Variants in EPS8 observed in about 807,000 individuals in gnomAD.
The protein encoded by EPS8 is epidermal growth factor receptor kinase substrate 8.
EPS8 carries 42 observed loss-of-function variants against 103.8 expected under a neutral mutation model. The ratio of observed to expected loss-of-function variants is 0.40; its 90% CI spans 0.32 to 0.52. The LOEUF is 0.52. Among genes scored for constraint, EPS8 ranks in the 20% least tolerant of loss-of-function variants. EPS8 has a pLI of 0.40. For missense variants in EPS8, 969 were observed against 1,005.1 expected (o/e 0.96, Z 0.49); for synonymous variants, 344 against 344.6 (o/e 1.00, Z 0.02).
chr12:15,694,280 C>CA (rs199691226), intron 1 of EPS8, among the ~76,000 whole-genome samples: 217 of 148,812 alleles, frequency 1.5e-3, no homozygotes, highest in Middle Eastern at 3.5e-3. Flanking sequence ...GAAAGTAACA[C>CA]AAAAAAAAAT....
rs547821878 is a variant in EPS8 at position 15,695,382 on chromosome 12, T to C, written c.-21-12410A>G. ...TACGTAACCAGAATGTGCCCATCAG[T>C]GCTCTCGCACAGTCCCATACAACTT... On this transcript the variant is annotated intron_variant, in intron 1 of 20. Coordinates refer to ENST00000281172, the MANE Select transcript of EPS8 (RefSeq NM_004447.6). The surrounding 1 kb of genome is among the most constrained non-coding windows in gnomAD (Gnocchi z 5.0). Among the ~76,000 whole-genome samples, 38 of 152,252 alleles carry C rather than the reference T, an allele frequency of 2.5e-4. No individual in the cohort carries two copies. The highest frequency in any genetic ancestry group is 4.8e-4 in the Non-Finnish European group (33 of 68,048).
At chr12:15,766,590 A>T (rs1947101201) in intron 1 of EPS8, among the ~76,000 whole-genome samples, 2 of 151,786 alleles carry the variant, frequency 1.3e-5, no homozygotes, top group Admixed American at 1.3e-4. Context: ...AGGCAGGAGA[A>T]TTGCCTGAAC....
At chr12:15,668,446 G>A (rs977130723) in intron 6 of EPS8, among the ~76,000 whole-genome samples, 1 of 152,086 alleles carries the variant, frequency 6.6e-6, no homozygotes, top group Non-Finnish European at 1.5e-5. Flanking sequence ...CTTTGGCAAA[G>A]TACCAATTAA....
chr12:15,761,813 A>T lies in EPS8; in HGVS notation c.-22+27348T>A, dbSNP rs1947044643. Among the ~76,000 whole-genome samples the T allele has an allele frequency of 6.6e-6, 1 of 152,184 alleles. No homozygotes were observed. Among genetic ancestry groups the T allele is most frequent in the Non-Finnish European group, 1.5e-5 (1 of 68,026 alleles). ...AATAGATTAAAGACTTCAATCTAAGACCTCAAACTATGAAACTACTACAAG... is the reference window on the plus strand; with the variant it reads ...AATAGATTAAAGACTTCAATCTAAGTCCTCAAACTATGAAACTACTACAAG... On this transcript the variant is annotated intron_variant, in intron 1 of 20. Transcript: ENST00000281172. This position sits in a 1 kb window ranked among gnomAD's most constrained non-coding sequence, Gnocchi z 4.5.
Position 15,640,751 on chromosome 12 carries a change from T to C in EPS8, c.1773A>G (p.Pro591=), listed in dbSNP as rs112421433. 1.4e-5 allele frequency: 22 copies of C among 1,614,084 alleles called. 1 individual carries two copies. The highest frequency in any genetic ancestry group is 1.6e-4 in the Middle Eastern group (1 of 6,062). Residue 591 remains proline (P), a synonymous_variant, in exon 17 of 21, where the codon CCA becomes CCG. Transcript: ENST00000281172. ...PNNILDIVRP[P]ESGLGRADPP... is the part of the protein sequence containing the mutation. ...GATCAGCACGCCCCAATCCAGATTC[T>C]GGAGGTCTCACAATATCCAAAATGT... is the stretch of plus-strand genomic sequence containing the variant.
intron 3 of EPS8, among the ~76,000 whole-genome samples, chr12:15,678,381 C>T (rs1286167437): frequency 6.6e-6 from 1 of 152,154 alleles, no homozygotes; most frequent in African/African-American, 2.4e-5. Flanking sequence ...ACCACATCTG[C>T]AATTTAAAGC....
intron 1 of EPS8, among the ~76,000 whole-genome samples, chr12:15,782,996 ACC>A (rs1204812501): frequency 2.0e-5 from 3 of 152,216 alleles, no homozygotes; most frequent in Non-Finnish European, 4.4e-5. Flanking sequence ...AATACCATAA[ACC>A]TTGAATGAAA....
intron 1 of EPS8, among the ~76,000 whole-genome samples, chr12:15,719,219 A>G (rs908583643): frequency 6.6e-6 from 1 of 152,054 alleles, no homozygotes; most frequent in African/African-American, 2.4e-5. Flanking sequence ...ATATATATAC[A>G]CACATACATA....
At chr12:15,635,887 G>A (rs868271892) in intron 17 of EPS8, among the ~76,000 whole-genome samples, 2 of 151,896 alleles carry the variant, frequency 1.3e-5, no homozygotes, top group Admixed American at 1.3e-4. Flanking sequence ...TTGAATTCAC[G>A]TGACCACAGA....
In EPS8 at chr12:15,700,386, G is replaced by C. The variant is rs1024597879; in HGVS notation, c.-21-17414C>G. ...TGTGCTATAAAGAGTTATATGTGTGGGCTAAAAGAGAAGTCATAGAATTCT... is the reference window on the plus strand; with the variant it reads ...TGTGCTATAAAGAGTTATATGTGTGCGCTAAAAGAGAAGTCATAGAATTCT... On this transcript the variant is annotated intron_variant, in intron 1 of 20. Transcript: ENST00000281172. This position sits in a 1 kb window ranked among gnomAD's most constrained non-coding sequence, Gnocchi z 5.1. 6.6e-6 allele frequency among the ~76,000 whole-genome samples: 1 copy of C among 151,952 alleles called. No individual in the cohort carries two copies. Among genetic ancestry groups the C allele is most frequent in the African/African-American group, 2.4e-5 (1 of 41,362 alleles).
intron 1 of EPS8, among the ~76,000 whole-genome samples, chr12:15,756,047 C>T (rs1215314528): frequency 1.3e-5 from 2 of 152,100 alleles, no homozygotes; most frequent in African/African-American, 4.8e-5. Context: ...GATATAACAC[C>T]ATTTTACTTG....
At chr12:15,672,434 C>A in intron 3 of EPS8, 1 of 398,344 alleles carries the variant, frequency 2.5e-6, no homozygotes. Flanking sequence ...AGATGCACTA[C>A]AAAATTCACT....
At chr12:15,656,008 A>T (rs965083111) in intron 12 of EPS8, among the ~76,000 whole-genome samples, 2 of 152,230 alleles carry the variant, frequency 1.3e-5, no homozygotes, top group African/African-American at 4.8e-5. Context: ...AAAAGCAGAG[A>T]TACTAAACAT....
chr12:15,700,169 CAA>C lies in EPS8; in HGVS notation c.-21-17199_-21-17198del, dbSNP rs1565507029. ...GACTCCATCTCAAAAACAACAACAA[CAA>C]AAAAAGAAACTCTTCCCTAACCAAC... On this transcript the variant is annotated intron_variant, in intron 1 of 20. Coordinates refer to ENST00000281172, the MANE Select transcript of EPS8 (RefSeq NM_004447.6). The surrounding 1 kb of genome is among the most constrained non-coding windows in gnomAD (Gnocchi z 5.1). Among the ~76,000 whole-genome samples the C allele has an allele frequency of 6.6e-6, 1 of 151,820 alleles. No homozygotes were observed. The highest frequency in any genetic ancestry group is 2.4e-5 in the African/African-American group (1 of 41,320).
At chr12:15,640,325 T>C (rs1945206802) in intron 17 of EPS8, among the ~76,000 whole-genome samples, 1 of 152,174 alleles carries the variant, frequency 6.6e-6, no homozygotes, top group South Asian at 2.1e-4. Flanking sequence ...GGTGAACTGC[T>C]GGACACCATG....
intron 8 of EPS8, 39 bp from the exon 9 acceptor site, chr12:15,662,138 TCCCACAATACCAATAC>T: frequency 6.3e-7 from 1 of 1,583,316 alleles, no homozygotes; most frequent in Non-Finnish European, 8.7e-7. Context: ...AATCTTTTAC[TCCCACAATACCAATAC>T]AGACAATTAA....
intron 18 of EPS8, 65 bp from the exon 19 acceptor site, chr12:15,624,472 C>T: frequency 7.9e-7 from 1 of 1,261,358 alleles, no homozygotes; most frequent in South Asian, 1.4e-5. Context: ...CTCTCTAGAA[C>T]CCCAATCTCT....
In EPS8 at chr12:15,761,509, G is replaced by T. The variant is rs1261308280; in HGVS notation, c.-22+27652C>A. Among the ~76,000 whole-genome samples, 1 of 152,070 alleles carries T rather than the reference G, an allele frequency of 6.6e-6. No homozygotes were observed. The highest frequency in any genetic ancestry group is 1.5e-5 in the Non-Finnish European group (1 of 67,998). On this transcript the variant is annotated intron_variant, in intron 1 of 20. Transcript: ENST00000281172. This position sits in a 1 kb window ranked among gnomAD's most constrained non-coding sequence, Gnocchi z 4.5. ...CTAATCAAAAAGAACAAAACTGGAA[G>T]AATCACATTACCTGATTTCAAATTA...
At chr12:15,665,960 T>C (rs1945702275) in intron 7 of EPS8, 68 bp from the exon 8 acceptor site, 1 of 1,491,334 alleles carries the variant, frequency 6.7e-7, no homozygotes, top group East Asian at 2.3e-5. Context: ...TTAACTCAAC[T>C]TGTGGTACTA....
Sources: gnomAD v4.1 joint callset for allele counts (sites outside exome capture counted in the v4.1 genomes callset) on GRCh38, gnomAD v4.1.1 for gene constraint, Gnocchi (gnomAD v3.1) non-coding constraint, MANE v1.5 for transcripts, NCBI Gene and HGNC (gene_info 2026-07-23, HGNC 2026-07-21) for gene names.